The following CACNA1C variants were observed in gnomAD, a reference collection of about 807,000 sequenced individuals.
The protein encoded by CACNA1C is calcium voltage-gated channel subunit alpha1 C.
In CACNA1C, 30 loss-of-function variants were observed where a neutral mutation model predicts 229.0. That is an observed-to-expected ratio of 0.13 (90% CI 0.10 to 0.18). The LOEUF is 0.18. Ranked by LOEUF, CACNA1C falls within the 10% of genes least tolerant of loss-of-function variation. CACNA1C has a pLI of 1.00. For synonymous variants in CACNA1C, 1,114 were observed against 1,132.5 expected (o/e 0.98, Z 0.33); for missense variants, 1,658 against 2,845.0 (o/e 0.58, Z 9.49).
chr12:2,223,527 T>C (rs2062023749), intron 3 of CACNA1C: 1 of 152,188 alleles, frequency 6.6e-6, no homozygotes, highest in South Asian at 2.1e-4. Flanking sequence ...GGGTTCCTTG[T>C]GATGTAACAT....
intron 3 of CACNA1C, among the ~76,000 whole-genome samples, chr12:2,318,971 A>G (rs2239041): frequency 0.75 from 114,012 of 151,812 alleles, 43,365 homozygotes; most frequent in African/African-American, 0.87. Flanking sequence ...ACTCCTCTAA[A>G]TCCTCAGGAA....
chr12:2,450,297 G>T (rs371764550), intron 4 of CACNA1C, among the ~76,000 whole-genome samples: 8 of 152,144 alleles, frequency 5.3e-5, no homozygotes, highest in Admixed American at 5.2e-4. Context: ...GCTCACACCT[G>T]TAATCCCAGC....
intron 1 of CACNA1C, among the ~76,000 whole-genome samples, chr12:2,000,080 T>C (rs2041845597): frequency 1.3e-5 from 2 of 152,128 alleles, no homozygotes; most frequent in Non-Finnish European, 2.9e-5. Flanking sequence ...ATCAGGAAAA[T>C]GGCCCCTACA....
intron 3 of CACNA1C, among the ~76,000 whole-genome samples, chr12:2,412,921 G>A (rs186065234): frequency 8.3e-4 from 126 of 152,326 alleles, no homozygotes; most frequent in African/African-American, 2.8e-3. Flanking sequence ...CTCTGTCCAA[G>A]CCTAACAATT....
Position 2,695,328 on chromosome 12 carries a change from T to C in CACNA1C, c.*4129T>C, listed in dbSNP as rs573909361. The C allele has an allele frequency of 2.0e-5, 3 of 152,064 alleles. No homozygotes were observed. The highest frequency in any genetic ancestry group is 7.3e-5 in the African/African-American group (3 of 41,350). The allele number at this position is 152,064 out of a possible 1,614,324, so 9.4% of individuals were successfully genotyped here. ...GATCTATTTGGGAAGGTGAGAAGAGTACTCATTCCATCTGGGGGTGTTGTT... is the reference window on the plus strand; with the variant it reads ...GATCTATTTGGGAAGGTGAGAAGAGCACTCATTCCATCTGGGGGTGTTGTT... On this transcript the variant is annotated 3_prime_UTR_variant, in exon 47 of 47. Coordinates refer to ENST00000399655, the MANE Select transcript of CACNA1C (RefSeq NM_000719.7).
chr12:2,540,947 C>T (rs993790764), intron 9 of CACNA1C, among the ~76,000 whole-genome samples: 17 of 152,282 alleles, frequency 1.1e-4, no homozygotes, highest in African/African-American at 2.4e-4. Context: ...AAGGTGCTGG[C>T]GGGCTTGGTT....
intron 3 of CACNA1C, among the ~76,000 whole-genome samples, chr12:2,151,501 G>T (rs1305160975): frequency 6.6e-6 from 1 of 152,146 alleles, no homozygotes; most frequent in East Asian, 1.9e-4. Flanking sequence ...GAGCAACTCT[G>T]CACAGAAGAC....
intron 3 of CACNA1C, among the ~76,000 whole-genome samples, chr12:2,330,965 A>T (rs573305635): frequency 2.0e-5 from 3 of 152,200 alleles, no homozygotes; most frequent in Non-Finnish European, 1.5e-5. Flanking sequence ...GATAGTTACA[A>T]CTTTAAAAAA....
intron 45 of CACNA1C, among the ~76,000 whole-genome samples, chr12:2,687,675 G>A (rs567634228): frequency 2.6e-4 from 39 of 152,262 alleles, no homozygotes; most frequent in African/African-American, 8.9e-4. Flanking sequence ...AAGTAGCTGG[G>A]ATTACAGGCA....
chr12:2,229,377 A>G (rs2064010972), intron 3 of CACNA1C, among the ~76,000 whole-genome samples: 1 of 152,130 alleles, frequency 6.6e-6, no homozygotes, highest in African/African-American at 2.4e-5. Context: ...ATGCGTTTGT[A>G]TATGTGTGTA....
chr12:2,529,430 G>A (rs1191753290), intron 9 of CACNA1C, among the ~76,000 whole-genome samples: 1 of 152,190 alleles, frequency 6.6e-6, no homozygotes, highest in African/African-American at 2.4e-5. Flanking sequence ...CTTGAATGTG[G>A]GGACTTTTGT....
chr12:1,994,057 T>C (rs1367517549), intron 1 of CACNA1C, among the ~76,000 whole-genome samples: 1 of 152,262 alleles, frequency 6.6e-6, no homozygotes, highest in Non-Finnish European at 1.5e-5. Flanking sequence ...CATTTAGTGA[T>C]GTTTTATTTT....
At chr12:2,631,089 GTGTTT>G (rs1320592831) in intron 29 of CACNA1C, among the ~76,000 whole-genome samples, 1 of 152,208 alleles carries the variant, frequency 6.6e-6, no homozygotes, top group African/African-American at 2.4e-5. Flanking sequence ...TTAACTGTGT[GTGTTT>G]CTCTGGTTTT....
chr12:2,476,121 A>G (rs1396044273), intron 5 of CACNA1C, among the ~76,000 whole-genome samples: 2 of 152,230 alleles, frequency 1.3e-5, no homozygotes, highest in East Asian at 3.8e-4. Flanking sequence ...TTTGCCACCA[A>G]TAGGGAGGCA....
intron 1 of CACNA1C, among the ~76,000 whole-genome samples, chr12:2,075,806 T>C (rs2062987690): frequency 6.6e-6 from 1 of 152,230 alleles, no homozygotes; most frequent in African/African-American, 2.4e-5. Flanking sequence ...AGGTTTCTCC[T>C]GGGAGCGGAT....
intron 1 of CACNA1C, among the ~76,000 whole-genome samples, chr12:2,065,218 C>T (rs911582631): frequency 1.3e-5 from 2 of 152,154 alleles, no homozygotes; most frequent in South Asian, 4.1e-4. Flanking sequence ...ACTCAGAGCT[C>T]ATATTTGGTC....
chr12:2,418,720 G>T (rs752171809), intron 3 of CACNA1C, among the ~76,000 whole-genome samples: 2 of 152,206 alleles, frequency 1.3e-5, no homozygotes, highest in Non-Finnish European at 2.9e-5. Context: ...ACCTTTGCCT[G>T]CAGGGAGCTG....
Position 2,290,439 on chromosome 12 carries a change from G to T in CACNA1C, c.478-158537G>T, listed in dbSNP as rs2093359007. Among the ~76,000 whole-genome samples the T allele has an allele frequency of 2.0e-5, 3 of 152,330 alleles. No homozygotes were observed. In the South Asian group the frequency reaches 6.2e-4, roughly 32 times the overall value. On this transcript the variant is annotated intron_variant, in intron 3 of 46. Coordinates refer to ENST00000399655, the MANE Select transcript of CACNA1C (RefSeq NM_000719.7). ...GTCCCACAACAGAAATCTTGGAGCA[G>T]ATATGTTGGAGGATATGTATAAGAA...
chr12:2,111,102 A>G (rs2081549602), intron 1 of CACNA1C, among the ~76,000 whole-genome samples: 1 of 152,224 alleles, frequency 6.6e-6, no homozygotes, highest in African/African-American at 2.4e-5. Context: ...CAGGACCAAA[A>G]TAGTGTAGGT....
Sources: allele counts gnomAD v4.1 joint callset (sites outside exome capture counted in the v4.1 genomes callset), GRCh38; gene constraint gnomAD v4.1.1; transcripts MANE v1.5; gene names NCBI Gene and HGNC (gene_info 2026-07-23, HGNC 2026-07-21).